Variants in FAM13A observed in about 807,000 individuals in gnomAD.
The protein encoded by FAM13A is protein FAM13A.
Under a neutral mutation model 129.6 loss-of-function variants are expected in FAM13A, and 76 were observed. The ratio of observed to expected loss-of-function variants is 0.59; its 90% CI spans 0.49 to 0.71. The LOEUF (loss-of-function observed/expected upper bound fraction) is 0.71. Ranked by LOEUF, FAM13A falls within the 30% of genes least tolerant of loss-of-function variation. FAM13A has a pLI of 0.00. For synonymous variants in FAM13A, 443 were observed against 449.9 expected, an observed-to-expected ratio of 0.98 and a Z score of 0.20; for missense variants, 1,108 against 1,249.3, an observed-to-expected ratio of 0.89 and a Z score of 1.70.
chr4:88,969,192 C>T (rs1759746785), intron 4 of FAM13A, among the ~76,000 whole-genome samples: 1 of 152,060 alleles, frequency 6.6e-6, no homozygotes, highest in Non-Finnish European at 1.5e-5. Flanking sequence ...TTCCCCAAAA[C>T]CTATGGAAAT....
chr4:88,911,872 C>T (rs1749137707), intron 5 of FAM13A, among the ~76,000 whole-genome samples: 2 of 152,188 alleles, frequency 1.3e-5, no homozygotes, highest in Admixed American at 1.3e-4. Flanking sequence ...TAGCAAATTC[C>T]TTTAAAACAG....
At chr4:89,001,708 A>T (rs1764269328) in intron 3 of FAM13A, among the ~76,000 whole-genome samples, 1 of 152,192 alleles carries the variant, frequency 6.6e-6, no homozygotes, top group Non-Finnish European at 1.5e-5. Context: ...CCACTCAGCT[A>T]ATCTCAACAC....
At chr4:89,023,688 T>A (rs1473917431) in intron 2 of FAM13A, among the ~76,000 whole-genome samples, 1 of 152,190 alleles carries the variant, frequency 6.6e-6, no homozygotes, top group African/African-American at 2.4e-5. Flanking sequence ...GAACAACTCT[T>A]TTCCCTCAGG....
chr4:88,905,064 A>T (rs1386982238), intron 6 of FAM13A, among the ~76,000 whole-genome samples: 1 of 152,198 alleles, frequency 6.6e-6, no homozygotes, highest in Non-Finnish European at 1.5e-5. Flanking sequence ...CATTTCTATT[A>T]TGCTTAGAGG....
intron 5 of FAM13A, among the ~76,000 whole-genome samples, chr4:88,919,900 C>T (rs574024121): frequency 1.1e-4 from 16 of 152,250 alleles, no homozygotes; most frequent in African/African-American, 3.9e-4. Flanking sequence ...GATTATATCG[C>T]GCACATGGCT....
At chr4:88,799,561 T>A (rs1488852017) in intron 8 of FAM13A, among the ~76,000 whole-genome samples, 1 of 152,026 alleles carries the variant, frequency 6.6e-6, no homozygotes, top group Non-Finnish European at 1.5e-5. Context: ...CTCGGCTCAC[T>A]GCAACCTCCA....
intron 5 of FAM13A, among the ~76,000 whole-genome samples, chr4:88,924,144 C>A (rs938833584): frequency 4.6e-5 from 7 of 152,094 alleles, no homozygotes; most frequent in South Asian, 2.1e-4. Flanking sequence ...TAATTTATAC[C>A]TTCAATGCCA....
chr4:88,912,512 C>A (rs372413068), intron 5 of FAM13A, among the ~76,000 whole-genome samples: 2 of 151,780 alleles, frequency 1.3e-5, no homozygotes, highest in African/African-American at 4.8e-5. Flanking sequence ...CTTCAGCCTC[C>A]AAAATCATGT....
intron 2 of FAM13A, among the ~76,000 whole-genome samples, chr4:89,028,887 A>T (rs1579843484): frequency 6.6e-6 from 1 of 152,290 alleles, no homozygotes; most frequent in East Asian, 1.9e-4. Flanking sequence ...CTCAATAACT[A>T]AATGAGATAT....
chr4:88,972,551 T>G (rs551125653), intron 4 of FAM13A, among the ~76,000 whole-genome samples: 15 of 152,132 alleles, frequency 9.9e-5, no homozygotes, highest in Non-Finnish European at 2.1e-4. Flanking sequence ...CCCACCTACT[T>G]TGGCCTCCCA....
At chr4:88,859,114 T>C (rs1394726524) in intron 6 of FAM13A, among the ~76,000 whole-genome samples, 1 of 152,170 alleles carries the variant, frequency 6.6e-6, no homozygotes, top group Non-Finnish European at 1.5e-5. Flanking sequence ...AAGGAGAGCT[T>C]GTATAATTCT....
At chr4:88,920,558 C>A (rs1011576983) in intron 5 of FAM13A, among the ~76,000 whole-genome samples, 2 of 152,106 alleles carry the variant, frequency 1.3e-5, no homozygotes, top group South Asian at 2.1e-4. Context: ...TGTACATCGC[C>A]ATCATCAAAG....
intron 1 of FAM13A, among the ~76,000 whole-genome samples, chr4:89,044,621 G>A (rs1560937136): frequency 6.6e-6 from 1 of 152,028 alleles, no homozygotes; most frequent in Non-Finnish European, 1.5e-5. Flanking sequence ...TTTGTTCAAC[G>A]ATGTTCATAG....
intron 4 of FAM13A, among the ~76,000 whole-genome samples, chr4:88,945,786 T>TATATATATATA (rs1755590355): frequency 7.0e-6 from 1 of 143,258 alleles, no homozygotes; most frequent in Non-Finnish European, 1.5e-5. Context: ...TGTGGTTGTA[T>TATATATATATA]ATATATATAT....
chr4:88,915,065 A>C (rs1749881798), intron 5 of FAM13A, among the ~76,000 whole-genome samples: 1 of 152,184 alleles, frequency 6.6e-6, no homozygotes, highest in Non-Finnish European at 1.5e-5. Context: ...AGCAATACTG[A>C]TATGATTACA....
intron 3 of FAM13A, among the ~76,000 whole-genome samples, chr4:89,013,149 C>T (rs1190425568): frequency 2.0e-5 from 3 of 151,930 alleles, no homozygotes; most frequent in East Asian, 3.9e-4. Flanking sequence ...TCAGTTGCAA[C>T]GTCCACCCTG....
At chr4:88,968,528 C>G (rs1308044155) in intron 4 of FAM13A, among the ~76,000 whole-genome samples, 1 of 152,112 alleles carries the variant, frequency 6.6e-6, no homozygotes, top group Non-Finnish European at 1.5e-5. Context: ...GTTTAGAGTA[C>G]TTGGCAATTG....
At chr4:88,874,082 T>C (rs1741934970) in intron 6 of FAM13A, among the ~76,000 whole-genome samples, 1 of 152,154 alleles carries the variant, frequency 6.6e-6, no homozygotes, top group Non-Finnish European at 1.5e-5. Flanking sequence ...TCGACAAAAT[T>C]CAACACTGCT....
chr4:88,888,222 C>T (rs1220497209), intron 6 of FAM13A, among the ~76,000 whole-genome samples: 1 of 152,186 alleles, frequency 6.6e-6, no homozygotes, highest in Admixed American at 6.5e-5. Flanking sequence ...CTCCATGAAG[C>T]CAGCTCTAAT....
Sources: gnomAD v4.1 joint callset for allele counts (sites outside exome capture counted in the v4.1 genomes callset) on GRCh38, gnomAD v4.1.1 for gene constraint, MANE v1.5 for transcripts, NCBI Gene and HGNC (gene_info 2026-07-23, HGNC 2026-07-21) for gene names.